Variants in CNTNAP2 observed in about 807,000 individuals in gnomAD.
CNTNAP2 encodes the protein contactin associated protein 2, also known as contactin-associated protein-like 2.
A neutral mutation model predicts 155.2 loss-of-function variants in CNTNAP2; 98 were observed. The ratio of observed to expected loss-of-function variants is 0.63; its 90% CI spans 0.54 to 0.75. The LOEUF is 0.75. CNTNAP2 is among the 30% of genes least tolerant of loss of function. The pLI is 0.00. For missense variants in CNTNAP2, 1,727 were observed against 1,688.1 expected (o/e 1.02, Z -0.40); for synonymous variants, 651 against 631.2 (o/e 1.03, Z -0.47).
intron 1 of CNTNAP2, among the ~76,000 whole-genome samples, chr7:146,506,036 A>T (rs1210487214): frequency 6.6e-6 from 1 of 152,178 alleles, no homozygotes; most frequent in Admixed American, 6.5e-5. Flanking sequence ...ATGTCCATCC[A>T]TTGTGCCCAC....
chr7:148,298,210 T>C (rs1797320412), intron 21 of CNTNAP2, among the ~76,000 whole-genome samples: 1 of 152,152 alleles, frequency 6.6e-6, no homozygotes, highest in Non-Finnish European at 1.5e-5. Context: ...AGAAGGGTAG[T>C]TGGATGGTGC....
At chr7:146,663,514 C>T (rs115652608) in intron 1 of CNTNAP2, among the ~76,000 whole-genome samples, 2,783 of 151,864 alleles carry the variant, frequency 0.018, 90 homozygotes, top group African/African-American at 0.064. Context: ...TCCCAAATAT[C>T]GGTCTATTAT....
chr7:146,842,607 A>G (rs936608875), intron 3 of CNTNAP2, among the ~76,000 whole-genome samples: 4 of 152,090 alleles, frequency 2.6e-5, no homozygotes, highest in African/African-American at 9.7e-5. Context: ...GAAACTTACT[A>G]TCATGGCAGA....
At chr7:147,472,471 C>G (rs1798242320) in intron 10 of CNTNAP2, among the ~76,000 whole-genome samples, 1 of 152,118 alleles carries the variant, frequency 6.6e-6, no homozygotes, top group Non-Finnish European at 1.5e-5. Context: ...CCTCCACCTC[C>G]CAAAGTTCTG....
intron 8 of CNTNAP2, among the ~76,000 whole-genome samples, chr7:147,263,854 G>A (rs538625676): frequency 3.3e-5 from 5 of 152,188 alleles, no homozygotes; most frequent in East Asian, 1.9e-4. Context: ...TCACTCTTCC[G>A]GGAATCATTT....
intron 10 of CNTNAP2, among the ~76,000 whole-genome samples, chr7:147,401,558 C>T (rs190932977): frequency 1.3e-5 from 2 of 152,046 alleles, no homozygotes; most frequent in East Asian, 3.9e-4. Flanking sequence ...GTTGGAAAGG[C>T]GAATGAAAGC....
chr7:147,694,431 T>C (rs890005885), intron 13 of CNTNAP2, among the ~76,000 whole-genome samples: 21 of 152,172 alleles, frequency 1.4e-4, no homozygotes, highest in Non-Finnish European at 2.4e-4. Flanking sequence ...AAATTTCTTC[T>C]TTAATTACGT....
intron 15 of CNTNAP2, among the ~76,000 whole-genome samples, chr7:147,985,336 G>T (rs182387894): frequency 1.0e-4 from 15 of 149,646 alleles, no homozygotes; most frequent in African/African-American, 3.7e-4. Context: ...TTCTCCACAT[G>T]TACATGTTAA....
chr7:147,280,075 A>G (rs1804996599), intron 8 of CNTNAP2, among the ~76,000 whole-genome samples: 1 of 151,926 alleles, frequency 6.6e-6, no homozygotes, highest in South Asian at 2.1e-4. Context: ...TGTTTTCCAA[A>G]TGTATACAGC....
intron 18 of CNTNAP2, among the ~76,000 whole-genome samples, chr7:148,192,509 G>A (rs1364470202): frequency 1.4e-5 from 2 of 145,964 alleles, no homozygotes; most frequent in South Asian, 2.2e-4. Context: ...AACTGATAAC[G>A]AAAAGAAAGA....
chr7:147,586,920 A>G (rs1047411934), intron 12 of CNTNAP2, among the ~76,000 whole-genome samples: 1 of 152,148 alleles, frequency 6.6e-6, no homozygotes, highest in Non-Finnish European at 1.5e-5. Context: ...TGTGCTCATC[A>G]TTACCCTTTC....
At chr7:148,202,166 C>T (rs1795379617) in intron 18 of CNTNAP2, among the ~76,000 whole-genome samples, 1 of 152,094 alleles carries the variant, frequency 6.6e-6, no homozygotes, top group African/African-American at 2.4e-5. Flanking sequence ...TGGCCTCTCT[C>T]CTGCCACTGG....
At chr7:146,461,055 G>C (rs757182112) in intron 1 of CNTNAP2, among the ~76,000 whole-genome samples, 10 of 152,108 alleles carry the variant, frequency 6.6e-5, no homozygotes, top group Non-Finnish European at 1.5e-4. Context: ...TGTACACATA[G>C]ATCAAAACAT....
intron 1 of CNTNAP2, among the ~76,000 whole-genome samples, chr7:146,628,356 G>A (rs975682032): frequency 2.6e-5 from 4 of 152,060 alleles, no homozygotes; most frequent in African/African-American, 9.7e-5. Context: ...TAGAATAGTG[G>A]TTACCAGGAG....
chr7:147,466,195 A>C (rs1000832685), intron 10 of CNTNAP2, among the ~76,000 whole-genome samples: 1 of 152,218 alleles, frequency 6.6e-6, no homozygotes. Context: ...GCCTGATCTA[A>C]TGCTAATAGA....
At chr7:147,246,257 C>G (rs948138619) in intron 8 of CNTNAP2, among the ~76,000 whole-genome samples, 2 of 152,064 alleles carry the variant, frequency 1.3e-5, no homozygotes, top group African/African-American at 4.8e-5. Flanking sequence ...GAAGGCTTGT[C>G]TGCTCACTAA....
chr7:146,161,287 G>A (rs972143004), intron 1 of CNTNAP2, among the ~76,000 whole-genome samples: 1 of 152,120 alleles, frequency 6.6e-6, no homozygotes, highest in Non-Finnish European at 1.5e-5. Context: ...TTGAAAACTG[G>A]CACAAGGCAG....
At chr7:147,070,253 G>A (rs988561316) in intron 4 of CNTNAP2, among the ~76,000 whole-genome samples, 4 of 152,068 alleles carry the variant, frequency 2.6e-5, no homozygotes, top group East Asian at 1.9e-4. Context: ...CTCTTTTCAC[G>A]TGGAATCTTT....
At chr7:147,338,119 C>A (rs999700981) in intron 9 of CNTNAP2, among the ~76,000 whole-genome samples, 3 of 152,132 alleles carry the variant, frequency 2.0e-5, no homozygotes, top group Non-Finnish European at 4.4e-5. Context: ...CACAGTTCTG[C>A]ATGGCTGGGG....
Sources: gnomAD v4.1 joint callset for allele counts (sites outside exome capture counted in the v4.1 genomes callset) on GRCh38, gnomAD v4.1.1 for gene constraint, MANE v1.5 for transcripts, NCBI Gene and HGNC (gene_info 2026-07-23, HGNC 2026-07-21) for gene names.